NTM: variants seen among roughly 807,000 people sequenced by gnomAD.
NTM encodes neurotrimin, also known as IgLON family member 2.
Under a neutral mutation model 42.1 loss-of-function variants are expected in NTM, and 13 were observed. The ratio of observed to expected loss-of-function variants is 0.31; its 90% confidence interval spans 0.20 to 0.49. The LOEUF (loss-of-function observed/expected upper bound fraction) is 0.49. Ranked by LOEUF, NTM falls within the 20% of genes least tolerant of loss-of-function variation. The pLI is 0.99. For synonymous variants in NTM, 187 were observed against 179.2 expected, an observed-to-expected ratio of 1.04 and a Z score of -0.35; for missense variants, 373 against 452.8, an observed-to-expected ratio of 0.82 and a Z score of 1.60.
chr11:132,263,313 G>A lies in NTM; in HGVS notation c.527-44376G>A, dbSNP rs535246269. 3.3e-5 allele frequency among the ~76,000 whole-genome samples: 5 copies of A among 152,248 alleles called. No homozygotes were observed. In the East Asian group the frequency reaches 9.7e-4, roughly 29 times the overall value. On this transcript the variant is annotated intron_variant, in intron 4 of 8. Coordinates refer to ENST00000683400, the MANE Select transcript of NTM (RefSeq NM_001352005.2). ...CTGGTGATCTCTGAATCACTTTTTT[G>A]GGTCGTTCTTCCCTTGTCTTGAAGA...
chr11:132,010,617 CT>C (rs71067351), intron 2 of NTM, among the ~76,000 whole-genome samples: 17 of 146,946 alleles, frequency 1.2e-4, no homozygotes, highest in Non-Finnish European at 1.8e-4. Flanking sequence ...TTTCTACTGT[CT>C]TTTTTTTTTT....
At chr11:131,464,445 G>A (rs1951705442) in intron 1 of NTM, among the ~76,000 whole-genome samples, 1 of 152,004 alleles carries the variant, frequency 6.6e-6, no homozygotes, top group Non-Finnish European at 1.5e-5. Flanking sequence ...TAACCTGGGT[G>A]GTACATTCAC....
intron 4 of NTM, among the ~76,000 whole-genome samples, chr11:132,258,970 A>G (rs570770121): frequency 1.3e-5 from 2 of 152,172 alleles, no homozygotes; most frequent in African/African-American, 2.4e-5. Context: ...GTTTAATTCC[A>G]TAAGTTTCCT....
At chr11:131,925,919 A>T (rs1469849230) in intron 2 of NTM, among the ~76,000 whole-genome samples, 2 of 152,134 alleles carry the variant, frequency 1.3e-5, no homozygotes, top group Non-Finnish European at 2.9e-5. Flanking sequence ...TTGCTTTGGT[A>T]TGCTGCACAG....
chr11:131,693,142 G>A (rs911063195), intron 1 of NTM, among the ~76,000 whole-genome samples: 1 of 152,150 alleles, frequency 6.6e-6, no homozygotes, highest in Non-Finnish European at 1.5e-5. Flanking sequence ...ATGGGGGTCA[G>A]GGCAGAGGTG....
At chr11:132,046,893 T>G (rs11222885) in intron 2 of NTM, among the ~76,000 whole-genome samples, 11,987 of 152,280 alleles carry the variant, frequency 0.079, 515 homozygotes, top group South Asian at 0.18. Context: ...AATCTATCTG[T>G]TATCTATCTA....
chr11:132,052,671 T>A (rs2079019405), intron 2 of NTM, among the ~76,000 whole-genome samples: 1 of 152,148 alleles, frequency 6.6e-6, no homozygotes, highest in Non-Finnish European at 1.5e-5. Flanking sequence ...GAAGGGAATG[T>A]TATTTGATTT....
intron 1 of NTM, among the ~76,000 whole-genome samples, chr11:131,458,840 G>T (rs1951130897): frequency 6.6e-6 from 1 of 152,224 alleles, no homozygotes; most frequent in Admixed American, 6.5e-5. Context: ...AGTTTTCTGG[G>T]TTCCACTCAA....
At chr11:131,927,533 G>T (rs1181311880) in intron 2 of NTM, among the ~76,000 whole-genome samples, 3 of 152,156 alleles carry the variant, frequency 2.0e-5, no homozygotes, top group Admixed American at 2.0e-4. Context: ...TTTCACCTAA[G>T]GCCTATGGTC....
At chr11:131,948,813 G>T (rs534274621) in intron 2 of NTM, among the ~76,000 whole-genome samples, 241 of 152,272 alleles carry the variant, frequency 1.6e-3, no homozygotes, top group Middle Eastern at 3.4e-3. Context: ...TTTTAGGTTT[G>T]TAAAACTTTA....
Position 131,610,478 on chromosome 11 carries a change from G to A in NTM, c.82+239590G>A, listed in dbSNP as rs986521025. Among the ~76,000 whole-genome samples the A allele has an allele frequency of 2.6e-5, 4 of 152,168 alleles. No individual in the cohort carries two copies. In the East Asian group the frequency reaches 5.8e-4, roughly 22 times the overall value. On this transcript the variant is annotated intron_variant, in intron 1 of 8. Coordinates refer to ENST00000683400, the MANE Select transcript of NTM (RefSeq NM_001352005.2). ...AGAATAGTGGGCTCAACCCAGCTGG[G>A]CAGGCGAGATCCACAGTTTCATTTA...
intron 1 of NTM, among the ~76,000 whole-genome samples, chr11:131,407,161 G>T (rs2512642): frequency 6.6e-6 from 1 of 152,146 alleles, no homozygotes; most frequent in Non-Finnish European, 1.5e-5. Flanking sequence ...TGGCTTGAGG[G>T]TGTCCAGAGA....
chr11:131,789,563 A>G (rs1306679985), intron 1 of NTM, among the ~76,000 whole-genome samples: 9 of 31,790 alleles, frequency 2.8e-4, no homozygotes, highest in East Asian at 1.6e-3. Flanking sequence ...GAAGAAGAAG[A>G]AGAAGAAGAA....
chr11:131,736,410 A>G (rs1358536193), intron 1 of NTM, among the ~76,000 whole-genome samples: 1 of 152,180 alleles, frequency 6.6e-6, no homozygotes, highest in African/African-American at 2.4e-5. Flanking sequence ...TAGCAAACAC[A>G]GTATAGTAGG....
At chr11:131,714,456 G>T (rs977577965) in intron 1 of NTM, among the ~76,000 whole-genome samples, 1 of 152,094 alleles carries the variant, frequency 6.6e-6, no homozygotes, top group African/African-American at 2.4e-5. Context: ...CTCCCAAATT[G>T]TTGGGATTAC....
intron 1 of NTM, among the ~76,000 whole-genome samples, chr11:131,877,165 C>A (rs1234980363): frequency 6.6e-6 from 1 of 152,178 alleles, no homozygotes; most frequent in African/African-American, 2.4e-5. Flanking sequence ...GGCCCCAAGG[C>A]ATACTTTTTA....
chr11:132,161,632 T>C (rs1249944919), intron 3 of NTM, among the ~76,000 whole-genome samples: 1 of 152,018 alleles, frequency 6.6e-6, no homozygotes, highest in Non-Finnish European at 1.5e-5. Flanking sequence ...CCCCCAACTT[T>C]CTTTGCTTCC....
chr11:131,997,056 G>T (rs1324208479), intron 2 of NTM, among the ~76,000 whole-genome samples: 2 of 152,196 alleles, frequency 1.3e-5, no homozygotes, highest in Non-Finnish European at 2.9e-5. Flanking sequence ...TCCTGGGCTG[G>T]CTGCTAGGCT....
chr11:131,551,777 T>G (rs2054698445), intron 1 of NTM, among the ~76,000 whole-genome samples: 1 of 152,162 alleles, frequency 6.6e-6, no homozygotes, highest in Admixed American at 6.5e-5. Context: ...CCCAAAGTTA[T>G]GGCCACAACA....
Sources: allele counts gnomAD v4.1 joint callset (sites outside exome capture counted in the v4.1 genomes callset), GRCh38; gene constraint gnomAD v4.1.1; transcripts MANE v1.5; gene names NCBI Gene and HGNC (gene_info 2026-07-23, HGNC 2026-07-21).